ZNF16: variants seen among roughly 807,000 people sequenced by gnomAD.
ZNF16 encodes zinc finger protein KOX9.
ZNF16 carries 7 observed loss-of-function variants against 9.0 expected under a neutral mutation model. That is an observed-to-expected ratio of 0.78 (90% CI 0.44 to 1.47). ZNF16 has a LOEUF of 1.47. Ranked by LOEUF, ZNF16 falls within the 40% of genes most tolerant of loss-of-function variation. The pLI is 0.01. For synonymous variants in ZNF16, 312 were observed against 301.5 expected (o/e 1.03, Z -0.36); for missense variants, 830 against 854.2 (o/e 0.97, Z 0.35).
chr8:144,949,998 C>T, intron 1 of ZNF16, among the ~76,000 whole-genome samples: 1 of 152,232 alleles, frequency 6.6e-6, no homozygotes, highest in Non-Finnish European at 1.5e-5. Flanking sequence ...CCCGATTGTA[C>T]ATTTGTTCAA....
intron 2 of ZNF16, among the ~76,000 whole-genome samples, chr8:144,941,976 A>ATTTTTTTT (rs1000299480): frequency 1.1e-5 from 1 of 92,054 alleles, no homozygotes; most frequent in Non-Finnish European, 2.2e-5. Context: ...CATTTTTAAG[A>ATTTTTTTT]TTTTTTTTTT....
intron 2 of ZNF16, among the ~76,000 whole-genome samples, chr8:144,941,860 G>A (rs993396762): frequency 9.3e-5 from 14 of 150,476 alleles, no homozygotes; most frequent in South Asian, 2.1e-4. Context: ...GGGTTTCACT[G>A]TGTTGGCCAG....
intron 1 of ZNF16, among the ~76,000 whole-genome samples, chr8:144,950,207 CCTT>C (rs1834073008): frequency 6.6e-6 from 1 of 151,984 alleles, no homozygotes; most frequent in Admixed American, 6.6e-5. Flanking sequence ...TTTTTGCTGA[CCTT>C]CTCCCTATTA....
intron 1 of ZNF16, among the ~76,000 whole-genome samples, chr8:144,949,232 C>T (rs1834032128): frequency 6.6e-6 from 1 of 152,232 alleles, no homozygotes; most frequent in African/African-American, 2.4e-5. Flanking sequence ...AAGAACTGGC[C>T]CAAACTCTCC....
rs1185810169 is a variant in ZNF16, at chr8:144,932,030, T to C, written c.757A>G (p.Lys253Glu). ...CTCATATGAGATCGATGACGGTTTT[T>C]AAGAACTGAGTTCTGGCTGAAGGTT... Reference protein sequence around the residue: ...GKTFSQNSVLKNRHRSHMSEK... With the variant: ...GKTFSQNSVLENRHRSHMSEK... The change falls in exon 3 of 3, where the codon AAA (lysine) becomes GAA (glutamate). Residue 253 changes from lysine (K) to glutamate (E), a missense_variant. Physicochemically the swap from Lys to Glu is moderately conservative, Grantham distance 56 (BLOSUM62 1). Coordinates refer to ENST00000394909, the MANE Select transcript of ZNF16 (RefSeq NM_006958.3). This position sits in a 1 kb window ranked among gnomAD's most constrained non-coding sequence, Gnocchi z 5.0. 5.0e-6 allele frequency: 8 copies of C among 1,614,194 alleles called. No homozygotes were observed. The highest frequency in any genetic ancestry group is 5.9e-6 in the Non-Finnish European group (7 of 1,180,038).
chr8:144,937,277 G>A lies in ZNF16; in HGVS notation c.197-4687C>T, dbSNP rs779800166. 7.3e-5 allele frequency among the ~76,000 whole-genome samples: 11 copies of A among 150,388 alleles called. 1 individual carries two copies. The South Asian group carries it at 1.3e-3, about 17-fold the overall frequency. On this transcript the variant is annotated intron_variant, in intron 2 of 2. Transcript: ENST00000394909. ...AAGCCTCCAGAGTAGCTGGAACTAC[G>A]GGCACATGCCACCATGCCCAGCTAA...
rs1362214699 is a variant in ZNF16 at position 144,946,086 on chromosome 8, C to G, written c.121G>C (p.Gly41Arg). The G allele has an allele frequency of 6.2e-7, 1 of 1,612,994 alleles. No homozygotes were observed. The highest frequency in any genetic ancestry group is 8.5e-7 in the Non-Finnish European group (1 of 1,179,274). Reference protein sequence around the residue: ...VRDAPAVTHPGSAACGTPCCS... With the variant: ...VRDAPAVTHPRSAACGTPCCS... ...CAGGGGGTACCACAGGCTGCAGATC[C>G]AGGGTGGGTCACAGCAGGAGCATCT... The change falls in exon 2 of 3, where the codon GGA becomes CGA. Residue 41 changes from glycine (G) to arginine (R), a missense_variant. By Grantham distance (125) the Gly-to-Arg change is moderately radical. Transcript: ENST00000394909.
rs548323513 is a variant in ZNF16 at position 144,934,331 on chromosome 8, G to A, written c.197-1741C>T. On this transcript the variant is annotated intron_variant, in intron 2 of 2. Coordinates refer to ENST00000394909, the MANE Select transcript of ZNF16 (RefSeq NM_006958.3). ...CCCTACTTCCTGGAGTCTGGGATCA[G>A]GCCTCTCCTCTCCCACAGAGCTGCC... Among the ~76,000 whole-genome samples the A allele has an allele frequency of 5.3e-5, 8 of 152,346 alleles. No homozygotes were observed. The East Asian group carries it at 1.4e-3, about 26-fold the overall frequency.
rs576318829 is a variant in ZNF16 at position 144,947,086 on chromosome 8, C to T, written c.-9-871G>A. Among the ~76,000 whole-genome samples the T allele has an allele frequency of 2.1e-4, 26 of 125,642 alleles. 1 individual carries two copies. In the East Asian group the frequency reaches 5.9e-3, roughly 29 times the overall value. The allele number at this position is 125,642 out of a possible 152,430, so 82.4% of individuals were successfully genotyped here. ...TGTGGGCCTGTACCCTACTGTGGGCCATACCCTGCTGTGGGCCTGTGTCCT... is the reference window on the plus strand; with the variant it reads ...TGTGGGCCTGTACCCTACTGTGGGCTATACCCTGCTGTGGGCCTGTGTCCT... On this transcript the variant is annotated intron_variant, in intron 1 of 2. Coordinates refer to ENST00000394909, the MANE Select transcript of ZNF16 (RefSeq NM_006958.3).
chr8:144,941,252 G>T (rs976518188), intron 2 of ZNF16, among the ~76,000 whole-genome samples: 7 of 151,426 alleles, frequency 4.6e-5, no homozygotes, highest in African/African-American at 1.2e-4. Flanking sequence ...TCTTTTTTTT[G>T]ATGTGTATCT....
chr8:144,950,225 C>T (rs1266737626), intron 1 of ZNF16, among the ~76,000 whole-genome samples: 1 of 152,132 alleles, frequency 6.6e-6, no homozygotes, highest in South Asian at 2.1e-4. Context: ...CTATTATCAC[C>T]CTGCTCTCCT....
chr8:144,931,704 G>A lies in ZNF16; in HGVS notation c.1083C>T (p.Ser361=), dbSNP rs756197012. 6.2e-7 allele frequency: 1 copy of A among 1,613,918 alleles called. No individual in the cohort carries two copies. The highest frequency in any genetic ancestry group is 8.5e-7 in the Non-Finnish European group (1 of 1,179,874). The change falls in exon 3 of 3, where the codon AGC becomes AGT. Residue 361 remains serine, a synonymous_variant. Transcript: ENST00000394909. ...CSECGKAFRR[S]SNLIKHHRTH... is the part of the protein sequence containing the mutation. ...TCCTGTGGTGTTTGATGAGGTTTGA[G>A]CTTCGCCTGAAGGCCTTCCCACACT...
intron 2 of ZNF16, among the ~76,000 whole-genome samples, chr8:144,934,736 G>A (rs1010433109): frequency 6.6e-6 from 1 of 152,158 alleles, no homozygotes; most frequent in Non-Finnish European, 1.5e-5. Flanking sequence ...GGATGAAGAA[G>A]GCTCTGGCAA....
At position 144,932,067 on chromosome 8, in the gene ZNF16, A is replaced by G. The variant is rs1263146957; in HGVS notation, c.720T>C (p.Asp240=). The stretch of plus-strand genomic sequence containing the variant: ...TCTGGCTGAAGGTTTTCCCACAATC[A>G]TCACACATAAAGGAAGCCTCCCCAG... The part of the protein sequence containing the change: ...VHTGEASFMC[D]DCGKTFSQNS... The change falls in exon 3 of 3, where the codon GAT becomes GAC. Residue 240 remains aspartate (D), a synonymous_variant. Transcript: ENST00000394909. The surrounding 1 kb of genome is among the most constrained non-coding windows in gnomAD (Gnocchi z 5.0). 2 of 1,613,988 alleles carry G rather than the reference A, an allele frequency of 1.2e-6. No individual in the cohort carries two copies. Among genetic ancestry groups the G allele is most frequent in the African/African-American group, 2.7e-5 (2 of 74,916 alleles).
Position 144,932,194 on chromosome 8 carries a change from C to T in ZNF16, c.593G>A (p.Gly198Asp), listed in dbSNP as rs1260215867. Residue 198 changes from glycine to aspartate, a missense_variant, in exon 3 of 3, where the codon GGT (glycine) becomes GAT (aspartate). Transcript: ENST00000394909. This position sits in a 1 kb window ranked among gnomAD's most constrained non-coding sequence, Gnocchi z 5.0. ...TTCAGCTGTGGGAACCCCCTCATGACCAGTTAGGTCCACACTGTGCTGGAA... is the reference window on the plus strand; with the variant it reads ...TTCAGCTGTGGGAACCCCCTCATGATCAGTTAGGTCCACACTGTGCTGGAA... ...QSFQHSVDLT[G>D]HEGVPTAESP... The T allele has an allele frequency of 6.2e-6, 10 of 1,614,198 alleles. No individual in the cohort carries two copies. Among genetic ancestry groups the T allele is most frequent in the Non-Finnish European group, 7.6e-6 (9 of 1,180,040 alleles).
chr8:144,937,137 C>CTTTTTTTTTTTTTTTTTTTTTTTTTT lies in ZNF16; in HGVS notation c.197-4548_197-4547insAAAAAAAAAAAAAAAAAAAAAAAAAA, dbSNP rs1554659152. ...GCAGGATGCTTTTTTCACTTTCTTTCTCTCTCTTTTTTTTTTTTTTTTTTT... is the reference window on the plus strand; with the variant it reads ...GCAGGATGCTTTTTTCACTTTCTTTCTTTTTTTTTTTTTTTTTTTTTTTTTTTCTCTCTTTTTTTTTTTTTTTTTTT... On this transcript the variant is annotated intron_variant, in intron 2 of 2. Transcript: ENST00000394909. 1.8e-5 allele frequency among the ~76,000 whole-genome samples: 2 copies of CTTTTTTTTTTTTTTTTTTTTTTTTTT among 112,992 alleles called. 1 individual carries two copies. 74.1% of individuals were successfully genotyped at this position (112,992 alleles called of 152,430 possible).
chr8:144,945,915 G>A (rs74371286), intron 2 of ZNF16, 96 bp downstream of exon 2: 5 of 1,531,358 alleles, frequency 3.3e-6, no homozygotes, highest in African/African-American at 1.4e-5. Flanking sequence ...CTCCCTACCT[G>A]TGATGACACA....
At position 144,933,398 on chromosome 8, in the gene ZNF16, G is replaced by A. The variant is rs779023726; in HGVS notation, c.197-808C>T. Among the ~76,000 whole-genome samples, 7 of 152,140 alleles carry A rather than the reference G, an allele frequency of 4.6e-5. No homozygotes were observed. The highest frequency in any genetic ancestry group is 9.7e-5 in the African/African-American group (4 of 41,410). On this transcript the variant is annotated intron_variant, in intron 2 of 2. Coordinates refer to ENST00000394909, the MANE Select transcript of ZNF16 (RefSeq NM_006958.3). The surrounding 1 kb of genome is among the most constrained non-coding windows in gnomAD (Gnocchi z 5.6). ...GACTTCTGGCCTCGTAACAATGTGCGTCATCTTTCCGCAGACAGAAATGCA... is the reference window on the plus strand; with the variant it reads ...GACTTCTGGCCTCGTAACAATGTGCATCATCTTTCCGCAGACAGAAATGCA...
chr8:144,940,184 T>A (rs1272528436), intron 2 of ZNF16, among the ~76,000 whole-genome samples: 1 of 152,256 alleles, frequency 6.6e-6, no homozygotes, highest in Admixed American at 6.5e-5. Flanking sequence ...GCTTAGGTGA[T>A]CTTCCTATCT....
Sources: allele counts gnomAD v4.1 joint callset (sites outside exome capture counted in the v4.1 genomes callset), GRCh38; gene constraint gnomAD v4.1.1; non-coding constraint Gnocchi (gnomAD v3.1); transcripts MANE v1.5; gene names NCBI Gene and HGNC (gene_info 2026-07-23, HGNC 2026-07-21).